Variants in NHSL3 observed in about 807,000 individuals in gnomAD.
NHSL3 encodes the protein NHS-like protein 3.
At chr1:32,771,538 T>C in the NHSL3 span, 2 of 1,593,518 alleles carry the variant, frequency 1.3e-6, no homozygotes, top group African/African-American at 1.4e-5. Context: ...CATGGCTGAC[T>C]TCCCCCCACC....
the NHSL3 span, chr1:32,769,775 A>G: frequency 6.2e-7 from 1 of 1,610,952 alleles, no homozygotes; most frequent in South Asian, 1.1e-5. Context: ...CAGCATGTGC[A>G]GAAGGAGCTT....
At chr1:32,770,402 A>G in the NHSL3 span, 2 of 1,607,404 alleles carry the variant, frequency 1.2e-6, no homozygotes, top group East Asian at 2.2e-5. The surrounding 1 kb of genome is among the most constrained non-coding windows in gnomAD (Gnocchi z 8.3). Context: ...CGCAGCCGCC[A>G]CCCATCCTCC....
the NHSL3 span, among the ~76,000 whole-genome samples, chr1:32,763,566 T>G: frequency 1.3e-5 from 2 of 152,132 alleles, no homozygotes; most frequent in Non-Finnish European, 2.9e-5. Flanking sequence ...TCTGTTTATT[T>G]TATTGTATTT....
chr1:32,750,846 G>C, the NHSL3 span, among the ~76,000 whole-genome samples: 1 of 140,288 alleles, frequency 7.1e-6, no homozygotes, highest in Non-Finnish European at 1.5e-5. Context: ...CAGTCTCGCT[G>C]TGTCACCCAG....
At chr1:32,753,737 C>G in the NHSL3 span, among the ~76,000 whole-genome samples, 1 of 152,230 alleles carries the variant, frequency 6.6e-6, no homozygotes, top group Admixed American at 6.5e-5. Context: ...GTTCTCCCAG[C>G]TCCATTGCAC....
At chr1:32,771,841 C>T in the NHSL3 span, 23 of 1,606,086 alleles carry the variant, frequency 1.4e-5, no homozygotes, top group Non-Finnish European at 2.0e-5. Flanking sequence ...GCAGATGGTG[C>T]GGCTGCGCTC....
At chr1:32,749,168 G>C in the NHSL3 span, among the ~76,000 whole-genome samples, 3 of 152,126 alleles carry the variant, frequency 2.0e-5, no homozygotes, top group Admixed American at 1.3e-4. Flanking sequence ...GGGAGGTGGC[G>C]CTTGAGCTGA....
At chr1:32,772,508 C>T in the NHSL3 span, 43 of 1,497,000 alleles carry the variant, frequency 2.9e-5, no homozygotes, top group Non-Finnish European at 3.6e-5. Flanking sequence ...TGAAGTCCCG[C>T]CATGGGGGAT....
chr1:32,771,934 C>T, the NHSL3 span: 25 of 1,599,794 alleles, frequency 1.6e-5, no homozygotes, highest in Admixed American at 3.4e-5. Context: ...CCTGTCAGGG[C>T]GGGCCAGCCC....
chr1:32,767,975 T>C, the NHSL3 span: 1 of 1,611,360 alleles, frequency 6.2e-7, no homozygotes, highest in South Asian at 1.1e-5. Context: ...TCCTCTCCAC[T>C]CCCCTCCCCT....
chr1:32,746,411 C>T, the NHSL3 span, among the ~76,000 whole-genome samples: 8,940 of 152,042 alleles, frequency 0.059, 331 homozygotes, highest in Non-Finnish European at 0.086. Flanking sequence ...AGGAGGCGAG[C>T]GCCTATGGAA....
chr1:32,766,933 G>A, the NHSL3 span, among the ~76,000 whole-genome samples: 2 of 152,154 alleles, frequency 1.3e-5, no homozygotes, highest in Non-Finnish European at 2.9e-5. Context: ...AGGAGAGGGG[G>A]ATACCTGGGA....
chr1:32,742,046 C>A, the NHSL3 span: 1 of 1,261,566 alleles, frequency 7.9e-7, no homozygotes, highest in Non-Finnish European at 1.0e-6. Context: ...CGCTCCGGCG[C>A]GTCCGGCCTC....
At chr1:32,755,472 C>T in the NHSL3 span, among the ~76,000 whole-genome samples, 1 of 152,144 alleles carries the variant, frequency 6.6e-6, no homozygotes, top group Admixed American at 6.5e-5. Flanking sequence ...TGGGGGACCT[C>T]TCCTCTCAAT....
At chr1:32,747,475 C>T in the NHSL3 span, among the ~76,000 whole-genome samples, 1 of 152,010 alleles carries the variant, frequency 6.6e-6, no homozygotes, top group African/African-American at 2.4e-5. Flanking sequence ...GACTGGCCGA[C>T]AAAGATGGGG....
At chr1:32,760,588 GTT>G in the NHSL3 span, among the ~76,000 whole-genome samples, 4 of 138,704 alleles carry the variant, frequency 2.9e-5, no homozygotes, top group East Asian at 2.1e-4. Flanking sequence ...GTGTGTGTGT[GTT>G]TTTTTTTTTT....
At chr1:32,773,559 CACCA>C in the NHSL3 span, 7 of 153,204 alleles carry the variant, frequency 4.6e-5, no homozygotes, top group East Asian at 1.3e-3. Context: ...TGCCTCAACT[CACCA>C]ACCACCCTCC....
the NHSL3 span, chr1:32,773,126 T>C: frequency 0.012 from 7,250 of 582,500 alleles, 81 homozygotes; most frequent in Non-Finnish European, 0.016. Context: ...GCTTCAGTCT[T>C]GGCCTTAGCC....
chr1:32,747,105 T>C, the NHSL3 span, among the ~76,000 whole-genome samples: 1 of 152,074 alleles, frequency 6.6e-6, no homozygotes, highest in Non-Finnish European at 1.5e-5. Context: ...GTTTGAGTTC[T>C]GCTCTGTTGT....
Sources: allele counts gnomAD v4.1 joint callset (sites outside exome capture counted in the v4.1 genomes callset), GRCh38; gene constraint gnomAD v4.1.1; non-coding constraint Gnocchi (gnomAD v3.1); transcripts MANE v1.5; gene names NCBI Gene and HGNC (gene_info 2026-07-23, HGNC 2026-07-21).